Variants in BCAS3 observed in about 807,000 individuals in gnomAD.
BCAS3 encodes the protein BCAS3 microtubule associated cell migration factor, also known as BCAS4/BCAS3 fusion.
BCAS3 carries 53 observed loss-of-function variants against 116.1 expected under a neutral mutation model. The observed-to-expected ratio is 0.46, with a 90% CI of 0.37 to 0.57. The LOEUF (loss-of-function observed/expected upper bound fraction) is 0.57, where lower values mean the gene tolerates loss of function less well. Among genes scored for constraint, BCAS3 ranks in the 20% least tolerant of loss-of-function variants. BCAS3 has a pLI of 0.00. For missense variants in BCAS3, 917 were observed against 1,165.4 expected (o/e 0.79, Z 3.10); for synonymous variants, 391 against 408.2 (o/e 0.96, Z 0.51).
rs2065523084 is a variant in BCAS3, at chr17:61,017,273, C to A, written c.1637+1372C>A. 6.6e-6 allele frequency among the ~76,000 whole-genome samples: 1 copy of A among 151,910 alleles called. No individual in the cohort carries two copies. The highest frequency in any genetic ancestry group is 1.5e-5 in the Non-Finnish European group (1 of 67,976). ...TTATTTTTTCATTGTATATTACATT[C>A]CTGGGATGTAGAATCAAAAATGGGA... On this transcript the variant is annotated intron_variant, in intron 16 of 23. Transcript: ENST00000407086. This position sits in a 1 kb window ranked among gnomAD's most constrained non-coding sequence, Gnocchi z 4.7.
chr17:61,079,237 C>T (rs1170260898), intron 21 of BCAS3, among the ~76,000 whole-genome samples: 2 of 152,028 alleles, frequency 1.3e-5, no homozygotes, highest in African/African-American at 2.4e-5. Context: ...TTAAAAAAAA[C>T]TCTATAGTAT....
At chr17:61,115,188 T>G (rs2143766445) in intron 22 of BCAS3, among the ~76,000 whole-genome samples, 1 of 152,206 alleles carries the variant, frequency 6.6e-6, no homozygotes, top group East Asian at 1.9e-4. Flanking sequence ...GGGCAAAGAC[T>G]TCATGTCCAA....
At chr17:61,372,892 C>G (rs1239607798) in intron 23 of BCAS3, among the ~76,000 whole-genome samples, 7 of 151,898 alleles carry the variant, frequency 4.6e-5, no homozygotes, top group African/African-American at 9.7e-5. Context: ...TGTTTTGTGT[C>G]TAGGTAAAGA....
At chr17:61,164,183 T>A (rs1202698840) in intron 22 of BCAS3, among the ~76,000 whole-genome samples, 1 of 151,646 alleles carries the variant, frequency 6.6e-6, no homozygotes, top group Non-Finnish European at 1.5e-5. Context: ...TGGAATCATG[T>A]GTGTAGTAAT....
At chr17:61,178,082 TA>T (rs1380879609) in intron 22 of BCAS3, among the ~76,000 whole-genome samples, 1 of 152,156 alleles carries the variant, frequency 6.6e-6, no homozygotes, top group Non-Finnish European at 1.5e-5. Context: ...ATACAGACTT[TA>T]ATCCCAATCT....
rs55736464 is a variant in BCAS3 at position 61,070,366 on chromosome 17, AATATATATATATATATATATATAT to A, written c.2030-4543_2030-4520del. 2.0e-4 allele frequency: 62 copies of A among 314,148 alleles called. 4 individuals are homozygous for A. In the East Asian group the frequency reaches 3.6e-3, roughly 18 times the overall value. The allele number at this position is 314,148 out of a possible 1,614,324, so 19.5% of individuals were successfully genotyped here. A position where few individuals can be genotyped will look rare whatever the true frequency, so the allele number is the denominator to read the frequency against. ...AACTGAGTCCAGCTGCCTAATTCTG[AATATATATATATATATATATATAT>A]ATATATATATCTTTTCACCATTTAA... On this transcript the variant is annotated intron_variant, in intron 19 of 23. Transcript: ENST00000407086.
rs1329104465 is a variant in BCAS3 at position 61,276,684 on chromosome 17, T to C, written c.2426-91643T>C. Among the ~76,000 whole-genome samples, 1 of 152,166 alleles carries C rather than the reference T, an allele frequency of 6.6e-6. No homozygotes were observed. The highest frequency in any genetic ancestry group is 1.9e-4 in the East Asian group (1 of 5,188). ...AAAATCTCTATCAAATAAGCTGACT[T>C]ATTTGCAGAAATTGACAAGCTGATC... On this transcript the variant is annotated intron_variant, in intron 22 of 23. Transcript: ENST00000407086. This position sits in a 1 kb window ranked among gnomAD's most constrained non-coding sequence, Gnocchi z 4.2.
intron 13 of BCAS3, among the ~76,000 whole-genome samples, chr17:60,942,581 A>C (rs1168432939): frequency 6.6e-6 from 1 of 152,212 alleles, no homozygotes; most frequent in Non-Finnish European, 1.5e-5. Context: ...ATAATTTATT[A>C]AATTATTTAT....
Position 61,146,153 on chromosome 17 carries a change from CTGGAATGTAGGGA to C in BCAS3, c.2425+61592_2425+61604del, listed in dbSNP as rs1179478791. ...AGACAGTTTCACGCTGTGGCCCAGG[CTGGAATGTAGGGA>C]TGTGATCACGGCTCACTGCAACCTC... On this transcript the variant is annotated intron_variant, in intron 22 of 23. Coordinates refer to ENST00000407086, the MANE Select transcript of BCAS3 (RefSeq NM_017679.5). Among the ~76,000 whole-genome samples, 144 of 148,106 alleles carry C rather than the reference CTGGAATGTAGGGA, an allele frequency of 9.7e-4. 2 individuals are homozygous for C. The highest frequency in any genetic ancestry group is 1.9e-3 in the Admixed American group (28 of 14,656).
At chr17:60,819,864 A>G (rs767205475) in intron 7 of BCAS3, among the ~76,000 whole-genome samples, 2 of 152,042 alleles carry the variant, frequency 1.3e-5, no homozygotes, top group Non-Finnish European at 2.9e-5. Context: ...ATGGAATCAA[A>G]CAGTCCTCAC....
Position 61,277,241 on chromosome 17 carries a change from T to C in BCAS3, c.2426-91086T>C, listed in dbSNP as rs1439049589. On this transcript the variant is annotated intron_variant, in intron 22 of 23. Transcript: ENST00000407086. Reference sequence around the variant, plus strand: ...TCATGTCAGTGTACTCCAGCCTGAGTGACAGAGCAAGACCCTGTATCAAAA... The same window carrying C: ...TCATGTCAGTGTACTCCAGCCTGAGCGACAGAGCAAGACCCTGTATCAAAA... Among the ~76,000 whole-genome samples, 3 of 123,234 alleles carry C rather than the reference T, an allele frequency of 2.4e-5. No homozygotes were observed. In the East Asian group the frequency reaches 6.9e-4, roughly 28 times the overall value. 80.8% of individuals were successfully genotyped at this position (123,234 alleles called of 152,430 possible).
At chr17:61,103,303 G>A (rs552177222) in intron 22 of BCAS3, among the ~76,000 whole-genome samples, 20 of 152,192 alleles carry the variant, frequency 1.3e-4, no homozygotes, top group African/African-American at 4.3e-4. Context: ...GGATACATTT[G>A]CAGTAGTCTG....
chr17:61,092,334 C>G (rs1027704039), intron 22 of BCAS3, among the ~76,000 whole-genome samples: 4 of 152,132 alleles, frequency 2.6e-5, no homozygotes, highest in Admixed American at 2.6e-4. Flanking sequence ...GTCTGTCTCT[C>G]TCTCTCTCTC....
chr17:61,200,536 G>A lies in BCAS3; in HGVS notation c.2425+115972G>A, dbSNP rs914064138. Among the ~76,000 whole-genome samples the A allele has an allele frequency of 6.6e-6, 1 of 152,208 alleles. No individual in the cohort carries two copies. The highest frequency in any genetic ancestry group is 2.4e-5 in the African/African-American group (1 of 41,454). ...ATCAATGACCGAGCTGGTGTGGAAT[G>A]TTAGCCTCCTGGATCCTGATCGTTC... On this transcript the variant is annotated intron_variant, in intron 22 of 23. Coordinates refer to ENST00000407086, the MANE Select transcript of BCAS3 (RefSeq NM_017679.5). This position sits in a 1 kb window ranked among gnomAD's most constrained non-coding sequence, Gnocchi z 5.1.
In BCAS3 at chr17:61,368,243, G is replaced by C; in HGVS notation, c.2426-84G>C. The C allele has an allele frequency of 1.4e-6, 2 of 1,427,538 alleles. No individual in the cohort carries two copies. Among genetic ancestry groups the C allele is most frequent in the African/African-American group, 2.8e-5 (2 of 70,878 alleles). The allele number at this position is 1,427,538 out of a possible 1,614,324, so 88.4% of individuals were successfully genotyped here. A position where few individuals can be genotyped will look rare whatever the true frequency, so the allele number is the denominator to read the frequency against. ...AAGGCTACAATGGACCCTGGGTATG[G>C]AGAGGAGCGGGTGGGAGGTAGACAA... On this transcript the variant is annotated intron_variant, in intron 22 of 23. Coordinates refer to ENST00000407086, the MANE Select transcript of BCAS3 (RefSeq NM_017679.5). This position sits in a 1 kb window ranked among gnomAD's most constrained non-coding sequence, Gnocchi z 6.0.
chr17:60,878,044 C>G (rs1489235218), intron 9 of BCAS3, among the ~76,000 whole-genome samples: 1 of 143,312 alleles, frequency 7.0e-6, no homozygotes, highest in African/African-American at 2.7e-5. Context: ...GAGTCTCACT[C>G]TTTTGCCCAG....
chr17:61,292,977 C>T (rs992892758), intron 22 of BCAS3, among the ~76,000 whole-genome samples: 1 of 151,982 alleles, frequency 6.6e-6, no homozygotes, highest in Non-Finnish European at 1.5e-5. Context: ...TCAAATAAGC[C>T]AGAAGAAGGT....
At chr17:60,930,349 A>G (rs919695870) in intron 13 of BCAS3, among the ~76,000 whole-genome samples, 2 of 152,222 alleles carry the variant, frequency 1.3e-5, no homozygotes, top group Non-Finnish European at 2.9e-5. Flanking sequence ...ACATGCCAAA[A>G]AGTTGATTGC....
rs1165694204 is a variant in BCAS3, at chr17:61,077,431, G to A, written c.2131-902G>A. Among the ~76,000 whole-genome samples, 1 of 152,086 alleles carries A rather than the reference G, an allele frequency of 6.6e-6. No homozygotes were observed. The highest frequency in any genetic ancestry group is 1.5e-5 in the Non-Finnish European group (1 of 68,008). On this transcript the variant is annotated intron_variant, in intron 20 of 23. Coordinates refer to ENST00000407086, the MANE Select transcript of BCAS3 (RefSeq NM_017679.5). The surrounding 1 kb of genome is among the most constrained non-coding windows in gnomAD (Gnocchi z 4.3). ...ACTGGGGAGGCTGAGGCAGGAGAAT[G>A]TAGTGAACCCAGGAGGCGGAGCTTG...
Sources: gnomAD v4.1 joint callset for allele counts (sites outside exome capture counted in the v4.1 genomes callset) on GRCh38, gnomAD v4.1.1 for gene constraint, Gnocchi (gnomAD v3.1) non-coding constraint, MANE v1.5 for transcripts, NCBI Gene and HGNC (gene_info 2026-07-23, HGNC 2026-07-21) for gene names.